Variants in SLC35F3 observed in about 807,000 individuals in gnomAD.
SLC35F3 encodes the protein solute carrier family 35 member F3.
SLC35F3 carries 25 observed loss-of-function variants against 49.9 expected under a neutral mutation model. The ratio of observed to expected loss-of-function variants is 0.50; its 90% CI spans 0.37 to 0.70. The LOEUF is 0.70. SLC35F3 is among the 30% of genes least tolerant of loss of function. The pLI, the probability that SLC35F3 is intolerant of heterozygous loss-of-function variation, is 0.00. For synonymous variants in SLC35F3, 275 were observed against 265.4 expected (o/e 1.04, Z -0.35); for missense variants, 525 against 639.8 (o/e 0.82, Z 1.94).
Position 234,049,790 on chromosome 1 carries a change from C to A in SLC35F3, c.283+144032C>A, listed in dbSNP as rs117485967. 2.0e-3 allele frequency among the ~76,000 whole-genome samples: 304 copies of A among 152,238 alleles called. 9 individuals carry two copies. The East Asian group carries it at 0.056, about 28-fold the overall frequency. On this transcript the variant is annotated intron_variant, in intron 2 of 7. Coordinates refer to ENST00000366618, the MANE Select transcript of SLC35F3 (RefSeq NM_173508.4). The stretch of plus-strand genomic sequence containing the variant: ...CTCCTAATGCTATCCCTCCCCACTA[C>A]CCCAACCCCACGACGGGCCCCGGTG...
intron 2 of SLC35F3, among the ~76,000 whole-genome samples, chr1:234,194,351 C>A (rs507699): frequency 0.23 from 34,815 of 151,956 alleles, 6,210 homozygotes; most frequent in East Asian, 0.89. Context: ...GGAATGAAAA[C>A]AACAAACATC....
At chr1:234,227,399 T>C (rs1395329165) in intron 2 of SLC35F3, among the ~76,000 whole-genome samples, 4 of 77,532 alleles carry the variant, frequency 5.2e-5, no homozygotes, top group Admixed American at 1.0e-4. Context: ...TTTCTTTTTT[T>C]TTTTTTTTTT....
At chr1:234,288,146 C>T (rs555853188) in intron 3 of SLC35F3, among the ~76,000 whole-genome samples, 4 of 152,286 alleles carry the variant, frequency 2.6e-5, no homozygotes, top group African/African-American at 9.6e-5. Context: ...CTCAGCCTCC[C>T]AAGGCACTAG....
intron 2 of SLC35F3, among the ~76,000 whole-genome samples, chr1:234,131,123 T>C (rs955453287): frequency 6.6e-6 from 1 of 152,094 alleles, no homozygotes; most frequent in African/African-American, 2.4e-5. Flanking sequence ...AACTTTGGGA[T>C]GAAAGAGGGA....
At chr1:234,102,665 T>C (rs1344856815) in intron 2 of SLC35F3, among the ~76,000 whole-genome samples, 2 of 152,212 alleles carry the variant, frequency 1.3e-5, no homozygotes, top group African/African-American at 4.8e-5. Context: ...AAGCTGTGAC[T>C]GCTGCCTGTG....
At chr1:233,962,246 A>G (rs1662816831) in intron 2 of SLC35F3, among the ~76,000 whole-genome samples, 1 of 152,198 alleles carries the variant, frequency 6.6e-6, no homozygotes, top group Admixed American at 6.5e-5. Context: ...CTTTGACATA[A>G]TATTATGAGC....
At chr1:234,301,706 TC>T (rs201838943) in intron 3 of SLC35F3, among the ~76,000 whole-genome samples, 1 of 152,304 alleles carries the variant, frequency 6.6e-6, no homozygotes, top group East Asian at 1.9e-4. Context: ...CACAAAGGAA[TC>T]TAAATAATTC....
chr1:233,965,312 C>G (rs1662886026), intron 2 of SLC35F3, among the ~76,000 whole-genome samples: 1 of 152,268 alleles, frequency 6.6e-6, no homozygotes, highest in Middle Eastern at 3.4e-3. Context: ...AATAGCTACC[C>G]CAGGCTTACA....
At chr1:234,234,604 T>C (rs901215733) in intron 3 of SLC35F3, among the ~76,000 whole-genome samples, 2 of 152,136 alleles carry the variant, frequency 1.3e-5, no homozygotes, top group African/African-American at 4.8e-5. Context: ...AGATTTTTTT[T>C]TTAAATGCTG....
intron 4 of SLC35F3, among the ~76,000 whole-genome samples, chr1:234,313,611 G>A (rs6695848): frequency 1.3e-5 from 2 of 151,914 alleles, no homozygotes; most frequent in African/African-American, 2.4e-5. Flanking sequence ...TGAGGGCTGG[G>A]GGGGACAGGA....
chr1:234,124,867 G>C (rs1665624850), intron 2 of SLC35F3, among the ~76,000 whole-genome samples: 2 of 152,118 alleles, frequency 1.3e-5, no homozygotes, highest in Admixed American at 1.3e-4. Context: ...GAGAAATTGT[G>C]AATTCCAAGA....
At chr1:234,190,685 T>A (rs988628125) in intron 2 of SLC35F3, among the ~76,000 whole-genome samples, 1 of 152,322 alleles carries the variant, frequency 6.6e-6, no homozygotes, top group Middle Eastern at 3.4e-3. Flanking sequence ...AAAGACATAC[T>A]GGGTTTAAAC....
rs559595422 is a variant in SLC35F3 at position 234,192,204 on chromosome 1, T to C, written c.284-39213T>C. On this transcript the variant is annotated intron_variant, in intron 2 of 7. Coordinates refer to ENST00000366618, the MANE Select transcript of SLC35F3 (RefSeq NM_173508.4). ...CTGATGAACATAGATGCAAAAATCA[T>C]AAATGCTAGTGAACCAAATCCAACA... Among the ~76,000 whole-genome samples the C allele has an allele frequency of 4.0e-4, 61 of 151,906 alleles. No homozygotes were observed. In the South Asian group the frequency reaches 9.6e-3, roughly 24 times the overall value.
intron 2 of SLC35F3, among the ~76,000 whole-genome samples, chr1:234,138,185 C>G (rs1197996218): frequency 6.6e-6 from 1 of 152,200 alleles, no homozygotes; most frequent in East Asian, 1.9e-4. Flanking sequence ...AACATTGCCA[C>G]TTTTGTAGGT....
chr1:233,969,657 A>T (rs1006120740), intron 2 of SLC35F3, among the ~76,000 whole-genome samples: 7 of 152,250 alleles, frequency 4.6e-5, no homozygotes, highest in African/African-American at 1.7e-4. Flanking sequence ...CATTGGGCCT[A>T]GTGTTGGAAG....
In SLC35F3 at chr1:234,214,740, A is replaced by C; in HGVS notation, c.284-16677A>C. ...CGCCGCCTGCGTGGGGGGATCTGGC[A>C]GCTTCAGGGGCTGCCCTGAGCTCCC... On this transcript the variant is annotated intron_variant, in intron 2 of 7. Coordinates refer to ENST00000366618, the MANE Select transcript of SLC35F3 (RefSeq NM_173508.4). The surrounding 1 kb of genome is among the most constrained non-coding windows in gnomAD (Gnocchi z 8.0). 1 of 944,016 alleles carries C rather than the reference A, an allele frequency of 1.1e-6. No individual in the cohort carries two copies. Among genetic ancestry groups the C allele is most frequent in the Non-Finnish European group, 1.5e-6 (1 of 682,588 alleles). The allele number at this position is 944,016 out of a possible 1,614,324, so 58.5% of individuals were successfully genotyped here.
At chr1:233,937,851 C>A (rs528262767) in intron 2 of SLC35F3, among the ~76,000 whole-genome samples, 1 of 151,936 alleles carries the variant, frequency 6.6e-6, no homozygotes, top group Non-Finnish European at 1.5e-5. Context: ...AGACAGAGTT[C>A]GATAGTGTTG....
intron 3 of SLC35F3, among the ~76,000 whole-genome samples, chr1:234,283,841 G>T (rs536829374): frequency 3.3e-5 from 5 of 152,184 alleles, no homozygotes; most frequent in Non-Finnish European, 7.3e-5. Flanking sequence ...ATAGTAAAGA[G>T]CATTTGCAGT....
At chr1:234,041,091 CCTT>C (rs1299908937) in intron 2 of SLC35F3, among the ~76,000 whole-genome samples, 2 of 152,192 alleles carry the variant, frequency 1.3e-5, no homozygotes, top group African/African-American at 2.4e-5. Flanking sequence ...TGTAAAATCT[CCTT>C]CTTTGGTAAT....
Sources: gnomAD v4.1 joint callset for allele counts (sites outside exome capture counted in the v4.1 genomes callset) on GRCh38, gnomAD v4.1.1 for gene constraint, Gnocchi (gnomAD v3.1) non-coding constraint, MANE v1.5 for transcripts, NCBI Gene and HGNC (gene_info 2026-07-23, HGNC 2026-07-21) for gene names.